Variants in PLCB1 observed in about 807,000 individuals in gnomAD.
PLCB1 encodes 1-phosphatidylinositol 4,5-bisphosphate phosphodiesterase beta-1.
A neutral mutation model predicts 161.8 loss-of-function variants in PLCB1; 46 were observed. That is an observed-to-expected ratio of 0.28 (90% CI 0.22 to 0.36). PLCB1 has a LOEUF of 0.36. Ranked by LOEUF, PLCB1 falls within the 10% of genes least tolerant of loss-of-function variation. The pLI is 1.00. For synonymous variants in PLCB1, 517 were observed against 503.7 expected, an observed-to-expected ratio of 1.03 and a Z score of -0.35; for missense variants, 1,016 against 1,472.5, an observed-to-expected ratio of 0.69 and a Z score of 5.07.
At chr20:8,777,925 C>T (rs1186825485) in intron 27 of PLCB1, among the ~76,000 whole-genome samples, 1 of 152,006 alleles carries the variant, frequency 6.6e-6, no homozygotes, top group East Asian at 1.9e-4. Context: ...TGTGCAGGGA[C>T]ATTTCTCTTT....
chr20:8,880,135 A>T (rs1050042097), intron 31 of PLCB1, among the ~76,000 whole-genome samples: 10 of 152,196 alleles, frequency 6.6e-5, no homozygotes, highest in African/African-American at 2.4e-4. Context: ...TCCATGTCTT[A>T]AAAATTGCCT....
intron 31 of PLCB1, among the ~76,000 whole-genome samples, chr20:8,807,379 G>A (rs1252804638): frequency 6.6e-6 from 1 of 151,896 alleles, no homozygotes; most frequent in Non-Finnish European, 1.5e-5. Flanking sequence ...TAACACCTGA[G>A]ACATAAATTC....
chr20:8,457,701 CTAATGTGT>C (rs1366161951), intron 3 of PLCB1, among the ~76,000 whole-genome samples: 3 of 141,038 alleles, frequency 2.1e-5, no homozygotes. Context: ...ACTTATACCC[CTAATGTGT>C]GCGCGCACAC....
intron 20 of PLCB1, among the ~76,000 whole-genome samples, 174 bp downstream of exon 20, chr20:8,737,366 G>A (rs1279048308): frequency 6.6e-6 from 1 of 152,074 alleles, no homozygotes; most frequent in African/African-American, 2.4e-5. Context: ...TTAATCACTG[G>A]TTTGGATTTT....
At chr20:8,150,165 C>T (rs1482678810) in intron 1 of PLCB1, 129 bp from the exon 2 acceptor site, 2 of 440,180 alleles carry the variant, frequency 4.5e-6, no homozygotes, top group Non-Finnish European at 8.2e-6. Flanking sequence ...TGTCTAATTT[C>T]TTTTGAAATT....
At chr20:8,833,554 G>A (rs1344502323) in intron 31 of PLCB1, among the ~76,000 whole-genome samples, 1 of 152,148 alleles carries the variant, frequency 6.6e-6, no homozygotes, top group Non-Finnish European at 1.5e-5. Flanking sequence ...AAGAAGAGGA[G>A]GAGGAGGCAA....
chr20:8,600,180 G>A (rs1292001166), intron 3 of PLCB1, among the ~76,000 whole-genome samples: 12 of 133,288 alleles, frequency 9.0e-5, no homozygotes, highest in African/African-American at 3.2e-4. Context: ...GGCGCTCTGC[G>A]TTTTAGAGTT....
intron 3 of PLCB1, among the ~76,000 whole-genome samples, chr20:8,611,326 G>A (rs1248876709): frequency 6.6e-6 from 1 of 151,968 alleles, no homozygotes; most frequent in Non-Finnish European, 1.5e-5. Flanking sequence ...GAAATACTTT[G>A]GTTTTGATAA....
At chr20:8,467,588 C>A (rs545179522) in intron 3 of PLCB1, among the ~76,000 whole-genome samples, 15 of 152,264 alleles carry the variant, frequency 9.9e-5, no homozygotes, top group African/African-American at 3.6e-4. Context: ...TATGAACTAC[C>A]ATGAACTCCA....
intron 14 of PLCB1, among the ~76,000 whole-genome samples, chr20:8,718,494 C>T (rs752683209): frequency 6.6e-6 from 1 of 152,168 alleles, no homozygotes; most frequent in African/African-American, 2.4e-5. Flanking sequence ...CACCCACATT[C>T]GTTGGCTTGG....
chr20:8,833,967 GA>G (rs1461590284), intron 31 of PLCB1, among the ~76,000 whole-genome samples: 1 of 151,700 alleles, frequency 6.6e-6, no homozygotes, highest in Non-Finnish European at 1.5e-5. Context: ...TTGTATGTGT[GA>G]AATCTTCAGA....
chr20:8,325,746 G>A (rs1985126403), intron 2 of PLCB1, among the ~76,000 whole-genome samples: 1 of 152,140 alleles, frequency 6.6e-6, no homozygotes, highest in Non-Finnish European at 1.5e-5. Flanking sequence ...CTCCACCTCT[G>A]GCTGTTCCTG....
chr20:8,271,229 C>T (rs1843625492), intron 2 of PLCB1, among the ~76,000 whole-genome samples: 1 of 152,050 alleles, frequency 6.6e-6, no homozygotes, highest in African/African-American at 2.4e-5. Context: ...ACTTTGGCTT[C>T]CTTCAATTTT....
intron 2 of PLCB1, among the ~76,000 whole-genome samples, chr20:8,319,450 G>A (rs1463515596): frequency 6.6e-6 from 1 of 152,024 alleles, no homozygotes; most frequent in Admixed American, 6.6e-5. Context: ...GGCTCTGAGA[G>A]AGAGTGGAGA....
chr20:8,523,486 C>T, intron 3 of PLCB1, among the ~76,000 whole-genome samples: 1 of 61,184 alleles, frequency 1.6e-5, no homozygotes, highest in South Asian at 4.5e-4. Context: ...CTCTCTCTCT[C>T]TCTCTCTCTC....
At chr20:8,137,222 T>A (rs772971069) in intron 1 of PLCB1, among the ~76,000 whole-genome samples, 1 of 152,254 alleles carries the variant, frequency 6.6e-6, no homozygotes, top group Non-Finnish European at 1.5e-5. Flanking sequence ...TGGAATCTGC[T>A]GTTCCAGTTT....
intron 3 of PLCB1, among the ~76,000 whole-genome samples, chr20:8,594,494 C>G (rs901958557): frequency 6.6e-6 from 1 of 152,172 alleles, no homozygotes; most frequent in African/African-American, 2.4e-5. Context: ...TCCTGAGATT[C>G]TGCATCCCTA....
At chr20:8,647,101 G>A (rs1417960326) in intron 5 of PLCB1, among the ~76,000 whole-genome samples, 1 of 152,062 alleles carries the variant, frequency 6.6e-6, no homozygotes, top group Non-Finnish European at 1.5e-5. Context: ...CTCCTCTCCT[G>A]AGTTTGTTAA....
chr20:8,371,526 C>G (rs900226729), intron 3 of PLCB1, 76 bp downstream of exon 3: 7 of 1,006,034 alleles, frequency 7.0e-6, no homozygotes, highest in African/African-American at 3.2e-5. Flanking sequence ...AATTAATTGC[C>G]CCAATTAAAA....
Sources: allele counts gnomAD v4.1 joint callset (sites outside exome capture counted in the v4.1 genomes callset), GRCh38; gene constraint gnomAD v4.1.1; transcripts MANE v1.5; gene names NCBI Gene and HGNC (gene_info 2026-07-23, HGNC 2026-07-21).